Variants in NCAM2 observed in about 807,000 individuals in gnomAD.
NCAM2 encodes N-CAM-2.
A neutral mutation model predicts 98.1 loss-of-function variants in NCAM2; 30 were observed. The observed-to-expected ratio is 0.31, with a 90% CI of 0.23 to 0.41. NCAM2 has a LOEUF of 0.41. Among genes scored for constraint, NCAM2 ranks in the 10% least tolerant of loss-of-function variants. NCAM2 has a pLI of 1.00. For synonymous variants in NCAM2, 368 were observed against 342.4 expected, an observed-to-expected ratio of 1.07 and a Z score of -0.83; for missense variants, 867 against 1,005.8, an observed-to-expected ratio of 0.86 and a Z score of 1.87.
intron 16 of NCAM2, among the ~76,000 whole-genome samples, chr21:21,513,044 C>A (rs754763849): frequency 7.2e-5 from 11 of 151,912 alleles, no homozygotes; most frequent in Non-Finnish European, 1.3e-4. Context: ...TTATTTGACT[C>A]CTTCCTTTCC....
chr21:21,352,344 A>C (rs968544385), intron 8 of NCAM2, among the ~76,000 whole-genome samples: 1 of 151,538 alleles, frequency 6.6e-6, no homozygotes, highest in Non-Finnish European at 1.5e-5. Context: ...ATGGTCATGA[A>C]CTCCTGGACT....
intron 6 of NCAM2, among the ~76,000 whole-genome samples, chr21:21,329,944 A>G (rs1211772865): frequency 2.0e-5 from 3 of 152,096 alleles, no homozygotes; most frequent in Non-Finnish European, 2.9e-5. Flanking sequence ...ATTGTCATTC[A>G]TAGTATCCCT....
intron 1 of NCAM2, among the ~76,000 whole-genome samples, chr21:21,219,472 T>G (rs1352095171): frequency 6.6e-6 from 1 of 152,238 alleles, no homozygotes; most frequent in Non-Finnish European, 1.5e-5. Context: ...GAAAATTTCC[T>G]ATCACCTAGT....
intron 5 of NCAM2, among the ~76,000 whole-genome samples, chr21:21,296,180 C>G (rs761486209): frequency 3.3e-5 from 5 of 151,804 alleles, no homozygotes; most frequent in Non-Finnish European, 5.9e-5. Flanking sequence ...CTGTAAGAAT[C>G]AACTTTACTA....
At chr21:21,043,094 G>T (rs887806157) in intron 1 of NCAM2, among the ~76,000 whole-genome samples, 59 of 152,104 alleles carry the variant, frequency 3.9e-4, no homozygotes, top group Admixed American at 3.9e-3. Flanking sequence ...AATTTTATCT[G>T]GTTAAGCATT....
chr21:21,067,447 A>G (rs1310402506), intron 1 of NCAM2, among the ~76,000 whole-genome samples: 2 of 152,070 alleles, frequency 1.3e-5, no homozygotes, highest in Non-Finnish European at 2.9e-5. Flanking sequence ...AACATGGGCT[A>G]CCTCTTTTAT....
chr21:21,467,190 CT>C (rs756117211), intron 13 of NCAM2, among the ~76,000 whole-genome samples: 71 of 151,762 alleles, frequency 4.7e-4, no homozygotes, highest in Non-Finnish European at 9.0e-4. Context: ...CAGGAGAAGC[CT>C]TGTTCTGATA....
chr21:21,276,028 C>G lies in NCAM2; in HGVS notation c.56-4550C>G, dbSNP rs1385737477. 3.3e-5 allele frequency among the ~76,000 whole-genome samples: 5 copies of G among 152,248 alleles called. No individual in the cohort carries two copies. The South Asian group carries it at 8.3e-4, about 25-fold the overall frequency. ...ACTAATTTCCTAAATGTTCCTTGAACACTTCAGCCTTACCCAATGTGGAAT... is the reference window on the plus strand; with the variant it reads ...ACTAATTTCCTAAATGTTCCTTGAAGACTTCAGCCTTACCCAATGTGGAAT... On this transcript the variant is annotated intron_variant, in intron 1 of 17. Transcript: ENST00000400546.
At chr21:21,103,406 C>T (rs2066283679) in intron 1 of NCAM2, among the ~76,000 whole-genome samples, 1 of 151,822 alleles carries the variant, frequency 6.6e-6, no homozygotes, top group African/African-American at 2.4e-5. Flanking sequence ...AAATACAAAT[C>T]CAGAAAGCAC....
At chr21:21,385,168 G>T (rs1235209053) in intron 9 of NCAM2, among the ~76,000 whole-genome samples, 1 of 152,036 alleles carries the variant, frequency 6.6e-6, no homozygotes, top group African/African-American at 2.4e-5. Flanking sequence ...GGCAGTTGAA[G>T]CCTGGTTTGT....
chr21:21,298,635 TA>T (rs1201321378), intron 5 of NCAM2, among the ~76,000 whole-genome samples: 6 of 146,326 alleles, frequency 4.1e-5, no homozygotes, highest in East Asian at 2.1e-4. Flanking sequence ...AGATAGATGA[TA>T]GATAGAGATA....
At chr21:21,319,446 G>T (rs1368669501) in intron 5 of NCAM2, among the ~76,000 whole-genome samples, 1 of 152,118 alleles carries the variant, frequency 6.6e-6, no homozygotes, top group Non-Finnish European at 1.5e-5. Context: ...TTTGAGACCA[G>T]CCTGGCCAAC....
intron 1 of NCAM2, among the ~76,000 whole-genome samples, chr21:21,182,794 C>T (rs1364429281): frequency 6.6e-6 from 1 of 152,134 alleles, no homozygotes; most frequent in Non-Finnish European, 1.5e-5. Flanking sequence ...GAGATCAGCA[C>T]TTGGCAACTT....
chr21:21,009,875 T>C (rs1474743131), intron 1 of NCAM2, among the ~76,000 whole-genome samples: 4 of 83,650 alleles, frequency 4.8e-5, no homozygotes, highest in Non-Finnish European at 5.1e-5. Context: ...TCCTTTGGCC[T>C]CTGATAGCTG....
intron 15 of NCAM2, among the ~76,000 whole-genome samples, chr21:21,482,587 G>C (rs1036774423): frequency 6.6e-6 from 1 of 151,478 alleles, no homozygotes; most frequent in Non-Finnish European, 1.5e-5. Flanking sequence ...TAAACAATAG[G>C]GTAAGTCTAG....
At chr21:21,172,561 T>G (rs1349588258) in intron 1 of NCAM2, among the ~76,000 whole-genome samples, 1 of 152,146 alleles carries the variant, frequency 6.6e-6, no homozygotes, top group African/African-American at 2.4e-5. Flanking sequence ...ATATAATCAC[T>G]TGATTGCCAT....
chr21:21,398,486 G>A (rs1353497440), intron 9 of NCAM2, among the ~76,000 whole-genome samples: 1 of 152,168 alleles, frequency 6.6e-6, no homozygotes, highest in African/African-American at 2.4e-5. Context: ...AGCACCGAAA[G>A]CACAAAAGAG....
intron 1 of NCAM2, chr21:21,210,404 A>C (rs1161734528): frequency 1.9e-6 from 1 of 513,390 alleles, no homozygotes; most frequent in African/African-American, 2.1e-5. Context: ...AATTTATTTA[A>C]CAATTTTCAA....
chr21:21,079,184 G>A (rs1003534316), intron 1 of NCAM2, among the ~76,000 whole-genome samples: 3 of 151,556 alleles, frequency 2.0e-5, no homozygotes, highest in Admixed American at 2.0e-4. Context: ...CATGTATCCC[G>A]GAACTTAAAG....
Sources: allele counts gnomAD v4.1 joint callset (sites outside exome capture counted in the v4.1 genomes callset), GRCh38; gene constraint gnomAD v4.1.1; transcripts MANE v1.5; gene names NCBI Gene and HGNC (gene_info 2026-07-23, HGNC 2026-07-21).